SEMA3E: variants seen among roughly 807,000 people sequenced by gnomAD.
SEMA3E encodes semaphorin-3E.
In SEMA3E, 49 loss-of-function variants were observed where a neutral mutation model predicts 93.6. The ratio of observed to expected loss-of-function variants is 0.52; its 90% CI spans 0.42 to 0.66. The LOEUF (loss-of-function observed/expected upper bound fraction) is 0.66. Among genes scored for constraint, SEMA3E ranks in the 30% least tolerant of loss-of-function variants. The pLI is 0.00. For missense variants in SEMA3E, 906 were observed against 964.8 expected (o/e 0.94, Z 0.81); for synonymous variants, 363 against 330.7 (o/e 1.10, Z -1.06).
intron 1 of SEMA3E, among the ~76,000 whole-genome samples, chr7:83,606,005 G>C (rs370470649): frequency 2.6e-5 from 4 of 151,978 alleles, no homozygotes; most frequent in Admixed American, 6.6e-5. Context: ...TGGTATTTTC[G>C]TCATGAGATC....
At chr7:83,440,599 T>C (rs1789092673) in intron 4 of SEMA3E, among the ~76,000 whole-genome samples, 1 of 152,008 alleles carries the variant, frequency 6.6e-6, no homozygotes, top group Admixed American at 6.6e-5. Flanking sequence ...TTTAAACCAT[T>C]CCCCTATAAT....
intron 1 of SEMA3E, among the ~76,000 whole-genome samples, chr7:83,505,415 G>T (rs1179898246): frequency 1.3e-5 from 2 of 151,952 alleles, no homozygotes; most frequent in African/African-American, 2.4e-5. Flanking sequence ...AAAATAAAAG[G>T]TAATTAAAAG....
intron 4 of SEMA3E, among the ~76,000 whole-genome samples, chr7:83,449,837 G>T (rs1366469197): frequency 1.3e-5 from 2 of 152,104 alleles, no homozygotes. Flanking sequence ...GTTTTAAACA[G>T]CACAGAAGGG....
At chr7:83,617,183 A>G (rs1793388047) in intron 1 of SEMA3E, among the ~76,000 whole-genome samples, 1 of 151,606 alleles carries the variant, frequency 6.6e-6, no homozygotes, top group Non-Finnish European at 1.5e-5. Flanking sequence ...ATTTCTTTCT[A>G]TTATTTTTGT....
intron 12 of SEMA3E, among the ~76,000 whole-genome samples, chr7:83,395,268 C>T (rs1256643311): frequency 3.1e-4 from 47 of 152,054 alleles, no homozygotes; most frequent in Admixed American, 3.1e-3. Flanking sequence ...AGCATAGCTG[C>T]TCCGGTTGAT....
At chr7:83,441,802 C>G (rs1789119903) in intron 4 of SEMA3E, among the ~76,000 whole-genome samples, 1 of 152,138 alleles carries the variant, frequency 6.6e-6, no homozygotes, top group African/African-American at 2.4e-5. Context: ...ATTAATATCA[C>G]CACTGTCATC....
chr7:83,484,047 G>C (rs929453152), intron 2 of SEMA3E, among the ~76,000 whole-genome samples: 5 of 152,002 alleles, frequency 3.3e-5, no homozygotes, highest in Non-Finnish European at 7.4e-5. Context: ...AAATCCTTTG[G>C]AATGTCATGG....
At chr7:83,546,307 G>A (rs1049539917) in intron 1 of SEMA3E, among the ~76,000 whole-genome samples, 6 of 140,436 alleles carry the variant, frequency 4.3e-5, no homozygotes, top group African/African-American at 7.9e-5. Context: ...ATGTTAAGAT[G>A]CATTATAATA....
intron 1 of SEMA3E, among the ~76,000 whole-genome samples, chr7:83,611,935 AT>A (rs1415520435): frequency 2.6e-5 from 4 of 152,004 alleles, no homozygotes; most frequent in Non-Finnish European, 4.4e-5. Flanking sequence ...GGCCCACATG[AT>A]CAGCTCCCCA....
chr7:83,404,756 C>T (rs940187757), intron 9 of SEMA3E, among the ~76,000 whole-genome samples: 1 of 151,732 alleles, frequency 6.6e-6, no homozygotes, highest in South Asian at 2.1e-4. Flanking sequence ...TATGAATCAA[C>T]GTAAGAGCAG....
At chr7:83,474,994 T>A (rs935227395) in intron 2 of SEMA3E, among the ~76,000 whole-genome samples, 1 of 150,746 alleles carries the variant, frequency 6.6e-6, no homozygotes, top group Non-Finnish European at 1.5e-5. Context: ...GTATACATAT[T>A]TATTATATAT....
intron 1 of SEMA3E, among the ~76,000 whole-genome samples, chr7:83,593,906 A>G (rs980781059): frequency 5.3e-5 from 8 of 152,164 alleles, no homozygotes; most frequent in Admixed American, 2.0e-4. Context: ...GCTTCTTTTG[A>G]TGGCATTTGG....
chr7:83,368,048 C>T lies in SEMA3E; in HGVS notation c.1876-10G>A. On this transcript the variant is annotated splice_polypyrimidine_tract_variant and intron_variant, in intron 16 of 16. Transcript: ENST00000643230. ...TGTCATCTGTCTTCACCTGCAAAAA[C>T]AAAAAAGTAAATGGCACTGAAGTAC... 1 of 1,612,600 alleles carries T rather than the reference C, an allele frequency of 6.2e-7. No individual in the cohort carries two copies. The highest frequency in any genetic ancestry group is 8.5e-7 in the Non-Finnish European group (1 of 1,179,184).
At chr7:83,502,499 C>T (rs1242453796) in intron 1 of SEMA3E, among the ~76,000 whole-genome samples, 1 of 152,046 alleles carries the variant, frequency 6.6e-6, no homozygotes, top group African/African-American at 2.4e-5. Context: ...CTGCCACCCA[C>T]CTCCTTCTGA....
At position 83,366,770 on chromosome 7, in the gene SEMA3E, G is replaced by A. The variant is rs1323595231; in HGVS notation, c.*816C>T. 2.0e-5 allele frequency: 3 copies of A among 152,008 alleles called. No homozygotes were observed. Among genetic ancestry groups the A allele is most frequent in the Admixed American group, 6.6e-5 (1 of 15,264 alleles). The allele number at this position is 152,008 out of a possible 1,614,324, so 9.4% of individuals were successfully genotyped here. A position where few individuals can be genotyped will look rare whatever the true frequency, so the allele number is the denominator to read the frequency against. On this transcript the variant is annotated 3_prime_UTR_variant, in exon 17 of 17. Coordinates refer to ENST00000643230, the MANE Select transcript of SEMA3E (RefSeq NM_012431.3). Reference sequence around the variant, plus strand: ...TCAAATCTTTCCTAAACAGATATCCGTCTGTAGAGAAAAAAGAAATGTGTG... The same window carrying A: ...TCAAATCTTTCCTAAACAGATATCCATCTGTAGAGAAAAAAGAAATGTGTG...
chr7:83,530,349 T>C (rs1047461772), intron 1 of SEMA3E, among the ~76,000 whole-genome samples: 1 of 152,188 alleles, frequency 6.6e-6, no homozygotes, highest in African/African-American at 2.4e-5. Context: ...TAAAAATATG[T>C]CTTCAGAACC....
At chr7:83,391,599 C>CT (rs1562759545) in intron 14 of SEMA3E, among the ~76,000 whole-genome samples, 2 of 93,196 alleles carry the variant, frequency 2.1e-5, no homozygotes, top group Admixed American at 2.5e-4. Context: ...CTTATTATAT[C>CT]ATTTTTTTAA....
At chr7:83,417,489 G>T (rs892741170) in intron 5 of SEMA3E, among the ~76,000 whole-genome samples, 1 of 152,006 alleles carries the variant, frequency 6.6e-6, no homozygotes, top group Admixed American at 6.6e-5. Flanking sequence ...CTCATTTTCT[G>T]CAAAGAAGAT....
chr7:83,505,387 AAGG>A (rs1247921512), intron 1 of SEMA3E, among the ~76,000 whole-genome samples: 6 of 152,168 alleles, frequency 3.9e-5, no homozygotes, highest in African/African-American at 1.2e-4. Flanking sequence ...AAACAAATAA[AAGG>A]AGATCATATC....
Sources: gnomAD v4.1 joint callset for allele counts (sites outside exome capture counted in the v4.1 genomes callset) on GRCh38, gnomAD v4.1.1 for gene constraint, MANE v1.5 for transcripts, NCBI Gene and HGNC (gene_info 2026-07-23, HGNC 2026-07-21) for gene names.